USP20: variants seen among roughly 807,000 people sequenced by gnomAD.
USP20 encodes the protein ubiquitin specific peptidase 20.
In USP20, 80 loss-of-function variants were observed where a neutral mutation model predicts 124.2. The ratio of observed to expected loss-of-function variants is 0.64; its 90% CI spans 0.54 to 0.78. The LOEUF is 0.78. Among genes scored for constraint, USP20 ranks in the 30% least tolerant of loss-of-function variants. The pLI, the probability that USP20 is intolerant of heterozygous loss-of-function variation, is 0.00. For synonymous variants in USP20, 481 were observed against 512.3 expected (o/e 0.94, Z 0.83); for missense variants, 1,043 against 1,244.4 (o/e 0.84, Z 2.44).
intron 13 of USP20, 75 bp downstream of exon 13, chr9:129,869,500 A>G: frequency 1.3e-6 from 2 of 1,499,772 alleles, no homozygotes; most frequent in Non-Finnish European, 1.9e-6. Context: ...GACTGGGTGC[A>G]GGGTGGGCTC....
chr9:129,872,488 G>T (rs1276273146), intron 15 of USP20, among the ~76,000 whole-genome samples: 1 of 152,082 alleles, frequency 6.6e-6, no homozygotes, highest in Non-Finnish European at 1.5e-5. Context: ...GTCCAGATAC[G>T]TGACTTATAA....
intron 1 of USP20, chr9:129,835,846 C>T (rs2031786979): frequency 6.6e-6 from 1 of 152,434 alleles, no homozygotes; most frequent in Middle Eastern, 3.4e-3. Context: ...TTTCTTTCCT[C>T]GGGCTCTGAG....
In USP20 at chr9:129,880,102, G is replaced by T. The variant is rs370266538; in HGVS notation, c.2585-11G>T. ...AAAGGTGAGCCTAGGGGTGCCTCTC[G>T]TGCCCTGCAGGAGCTGACTACGGGC... On this transcript the variant is annotated splice_polypyrimidine_tract_variant and intron_variant, in intron 24 of 25. Transcript: ENST00000372429. 3.1e-6 allele frequency: 5 copies of T among 1,612,524 alleles called. No individual in the cohort carries two copies. The South Asian group carries it at 4.4e-5, about 14-fold the overall frequency.
chr9:129,878,563 C>T (rs2034506463), intron 23 of USP20, 123 bp downstream of exon 23: 1 of 824,760 alleles, frequency 1.2e-6, no homozygotes, highest in Middle Eastern at 3.7e-4. Context: ...CAGGTGCCAC[C>T]CATCCAGGGT....
At chr9:129,871,463 G>A (rs778318373) in intron 15 of USP20, among the ~76,000 whole-genome samples, 1 of 152,168 alleles carries the variant, frequency 6.6e-6, no homozygotes, top group Non-Finnish European at 1.5e-5. Context: ...GTTAGCTATT[G>A]TGAGGAATGC....
intron 21 of USP20, among the ~76,000 whole-genome samples, chr9:129,875,851 A>G (rs2034370807): frequency 1.1e-4 from 1 of 8,996 alleles, no homozygotes; most frequent in South Asian, 4.5e-3. Context: ...GGCAAGGGAC[A>G]GGAAACTGGC....
intron 6 of USP20, 124 bp downstream of exon 6, chr9:129,858,722 A>T: frequency 7.1e-7 from 1 of 1,400,914 alleles, no homozygotes; most frequent in Non-Finnish European, 9.6e-7. Context: ...CTGGGTCAGT[A>T]TGTTTTCAGG....
chr9:129,880,262 C>G lies in USP20; in HGVS notation c.2734C>G (p.Arg912Gly). The change falls in exon 25 of 26, where the codon CGG (arginine) becomes GGG (glycine). Residue 912 changes from arginine (R) to glycine (G), a missense_variant. Coordinates refer to ENST00000372429, the MANE Select transcript of USP20 (RefSeq NM_001110303.4). The stretch of plus-strand genomic sequence containing the variant: ...GGAGCAGAAGATCGAAGCCGAGACG[C>G]GGGCCGTGTGATCTGCTGGGCTAGT... ...HGEQKIEAET[R>G]AV The G allele has an allele frequency of 6.3e-7, 1 of 1,599,484 alleles. No homozygotes were observed. The highest frequency in any genetic ancestry group is 8.5e-7 in the Non-Finnish European group (1 of 1,174,552).
chr9:129,856,400 T>A (rs2033220241), intron 4 of USP20, 40 bp downstream of exon 4: 1 of 1,605,334 alleles, frequency 6.2e-7, no homozygotes, highest in African/African-American at 1.3e-5. Flanking sequence ...TAGAGCTGCT[T>A]CCACCTGTTA....
At chr9:129,851,344 T>C (rs2032910773) in intron 2 of USP20, among the ~76,000 whole-genome samples, 1 of 150,384 alleles carries the variant, frequency 6.6e-6, no homozygotes, top group Admixed American at 6.7e-5. Context: ...ACTGCAGCCT[T>C]GAACTCCTGG....
At chr9:129,862,572 G>T (rs1475346905) in intron 8 of USP20, among the ~76,000 whole-genome samples, 5 of 107,570 alleles carry the variant, frequency 4.6e-5, no homozygotes, top group African/African-American at 3.3e-5. Flanking sequence ...AAGAAAAATT[G>T]ACCGCACCCA....
At chr9:129,873,248 T>C (rs112827210) in intron 15 of USP20, among the ~76,000 whole-genome samples, 1 of 151,856 alleles carries the variant, frequency 6.6e-6, no homozygotes, top group East Asian at 1.9e-4. Context: ...CACGTCCAGC[T>C]AATTTTTGTA....
chr9:129,845,378 C>A (rs1166879072), intron 1 of USP20, among the ~76,000 whole-genome samples: 1 of 152,136 alleles, frequency 6.6e-6, no homozygotes, highest in Non-Finnish European at 1.5e-5. Flanking sequence ...ACTTGAAAAA[C>A]CATTAACAGT....
chr9:129,854,393 G>C (rs1157114839), intron 3 of USP20, among the ~76,000 whole-genome samples: 2 of 152,206 alleles, frequency 1.3e-5, no homozygotes, highest in African/African-American at 4.8e-5. Context: ...GGTGTGTCCA[G>C]AGTGTGCAGT....
intron 23 of USP20, among the ~76,000 whole-genome samples, chr9:129,878,914 C>T (rs3780706): frequency 0.013 from 1,959 of 152,368 alleles, 20 homozygotes; most frequent in Middle Eastern, 0.027. Context: ...GGGGCGCCCT[C>T]GGGGCATAAT....
chr9:129,859,854 G>A (rs539153538), intron 6 of USP20, among the ~76,000 whole-genome samples: 1 of 152,148 alleles, frequency 6.6e-6, no homozygotes, highest in East Asian at 2.0e-4. Context: ...GGGCAACAGC[G>A]TGAGACCCTG....
intron 15 of USP20, among the ~76,000 whole-genome samples, chr9:129,873,080 C>CTTTTTTTTTTTTTTTTTTTTTTTTT (rs59712662): frequency 3.8e-5 from 3 of 78,366 alleles, no homozygotes; most frequent in African/African-American, 4.7e-5. Flanking sequence ...TTTTCTTCTT[C>CTTTTTTTTTTTTTTTTTTTTTTTTT]TTTTTTTTTT....
Position 129,881,686 on chromosome 9 carries a change from T to G in USP20, c.*1236T>G, listed in dbSNP as rs770257820. ...GGTTCCCCTGGCATTGGCCCCAGCC[T>G]TCTGAAAGCCGGCGCTGCAGCCAGA... On this transcript the variant is annotated 3_prime_UTR_variant, in exon 26 of 26. Transcript: ENST00000372429. 3.3e-5 allele frequency: 5 copies of G among 152,398 alleles called. No individual in the cohort carries two copies. The highest frequency in any genetic ancestry group is 7.3e-5 in the Non-Finnish European group (5 of 68,114). 9.4% of individuals were successfully genotyped at this position (152,398 alleles called of 1,614,324 possible).
chr9:129,838,610 C>CTT (rs1412361483), intron 1 of USP20, among the ~76,000 whole-genome samples: 3 of 152,184 alleles, frequency 2.0e-5, no homozygotes, highest in Admixed American at 1.3e-4. Flanking sequence ...CCTTTAAACT[C>CTT]TGAGATTGCA....
Sources: gnomAD v4.1 joint callset for allele counts (sites outside exome capture counted in the v4.1 genomes callset) on GRCh38, gnomAD v4.1.1 for gene constraint, MANE v1.5 for transcripts, NCBI Gene and HGNC (gene_info 2026-07-23, HGNC 2026-07-21) for gene names.